Variants in SEMA5A observed in about 807,000 individuals in gnomAD.
The protein encoded by SEMA5A is semaphorin-5A.
Under a neutral mutation model 135.5 loss-of-function variants are expected in SEMA5A, and 55 were observed. That is an observed-to-expected ratio of 0.41 (90% CI 0.33 to 0.51). The LOEUF (loss-of-function observed/expected upper bound fraction) is 0.51, where lower values mean the gene tolerates loss of function less well. Among genes scored for constraint, SEMA5A ranks in the 20% least tolerant of loss-of-function variants. The pLI, the probability that SEMA5A is intolerant of heterozygous loss-of-function variation, is 0.37. For missense variants in SEMA5A, 1,290 were observed against 1,419.9 expected, an observed-to-expected ratio of 0.91 and a Z score of 1.47; for synonymous variants, 580 against 546.5, an observed-to-expected ratio of 1.06 and a Z score of -0.85.
chr5:9,532,440 C>CTTTTTTTTTTT (rs4045370), intron 1 of SEMA5A, among the ~76,000 whole-genome samples: 14 of 125,146 alleles, frequency 1.1e-4, no homozygotes, highest in Non-Finnish European at 1.3e-4. Context: ...TAATTTTTTT[C>CTTTTTTTTTTT]TTTTTTTTTT....
intron 4 of SEMA5A, among the ~76,000 whole-genome samples, chr5:9,330,166 G>A (rs1245227940): frequency 2.0e-5 from 3 of 151,926 alleles, no homozygotes; most frequent in Non-Finnish European, 4.4e-5. Context: ...CGAGGTGGGC[G>A]GATCGCCAGG....
chr5:9,202,176 T>G lies in SEMA5A; in HGVS notation c.711A>C (p.Ala237=). ...CTGTTTTCCCACAGTCATGCTCTAC[T>G]GCATTTTCTCGGAAAAAGAAGTAGG... ...NFTYFFFREN[A]VEHDCGKTVF... is the part of the protein sequence containing the mutation. The change falls in exon 9 of 23, where the codon GCA becomes GCC. Residue 237 remains alanine (A), a synonymous_variant. Coordinates refer to ENST00000382496, the MANE Select transcript of SEMA5A (RefSeq NM_003966.3). 6.2e-7 allele frequency: 1 copy of G among 1,614,148 alleles called. No homozygotes were observed. The highest frequency in any genetic ancestry group is 8.5e-7 in the Non-Finnish European group (1 of 1,180,012).
chr5:9,405,541 A>T (rs1756842052), intron 2 of SEMA5A, among the ~76,000 whole-genome samples: 1 of 152,176 alleles, frequency 6.6e-6, no homozygotes, highest in Non-Finnish European at 1.5e-5. Flanking sequence ...ACCTGAACAG[A>T]GCTGAGTCAA....
At chr5:9,379,446 G>A (rs1273057896) in intron 3 of SEMA5A, among the ~76,000 whole-genome samples, 1 of 152,158 alleles carries the variant, frequency 6.6e-6, no homozygotes, top group African/African-American at 2.4e-5. Context: ...GCAAGACTAA[G>A]GCTTTGCAGG....
At position 9,085,525 on chromosome 5, in the gene SEMA5A, G is replaced by A. The variant is rs149519483; in HGVS notation, c.2074-18879C>T. On this transcript the variant is annotated intron_variant, in intron 16 of 22. Transcript: ENST00000382496. The stretch of plus-strand genomic sequence containing the variant: ...AGGGTGCAAGCCCCAAGCCTTGGAA[G>A]CTTCCACAGGGTGTTGAGACTGTGA... 3.8e-3 allele frequency among the ~76,000 whole-genome samples: 585 copies of A among 152,364 alleles called. 3 individuals carry two copies. The highest frequency in any genetic ancestry group is 0.014 in the African/African-American group (566 of 41,598).
intron 1 of SEMA5A, among the ~76,000 whole-genome samples, chr5:9,495,419 A>G (rs1170205684): frequency 6.6e-6 from 1 of 152,174 alleles, no homozygotes; most frequent in Non-Finnish European, 1.5e-5. Flanking sequence ...CTTAGCTTTT[A>G]CCCACCCAAG....
chr5:9,139,581 C>T (rs1003134163), intron 12 of SEMA5A, among the ~76,000 whole-genome samples: 9 of 152,182 alleles, frequency 5.9e-5, no homozygotes, highest in African/African-American at 2.2e-4. Context: ...TATCCATATC[C>T]AATTCCTGAT....
intron 2 of SEMA5A, among the ~76,000 whole-genome samples, chr5:9,408,799 T>C (rs950735330): frequency 1.3e-5 from 2 of 152,118 alleles, no homozygotes; most frequent in African/African-American, 4.8e-5. Context: ...GTAGCTACTC[T>C]ACACTGAAAA....
At chr5:9,093,700 A>C (rs1739164032) in intron 16 of SEMA5A, among the ~76,000 whole-genome samples, 1 of 151,770 alleles carries the variant, frequency 6.6e-6, no homozygotes, top group African/African-American at 2.4e-5. Flanking sequence ...CTCAAAAAAA[A>C]ACAAAAAAAC....
intron 5 of SEMA5A, among the ~76,000 whole-genome samples, chr5:9,247,628 T>G (rs529529261): frequency 1.3e-5 from 2 of 152,248 alleles, no homozygotes; most frequent in African/African-American, 2.4e-5. Context: ...CTGAGATATA[T>G]CCTATCAAAG....
At chr5:9,537,881 C>G (rs1737854268) in intron 1 of SEMA5A, among the ~76,000 whole-genome samples, 1 of 152,212 alleles carries the variant, frequency 6.6e-6, no homozygotes, top group Admixed American at 6.5e-5. Context: ...TAAAGGCCAG[C>G]TAGCCTGGAC....
intron 3 of SEMA5A, among the ~76,000 whole-genome samples, chr5:9,349,964 G>T (rs1754043474): frequency 6.6e-6 from 1 of 151,996 alleles, no homozygotes; most frequent in South Asian, 2.1e-4. Context: ...ATTCATTGAG[G>T]TATCTTTGTG....
intron 3 of SEMA5A, among the ~76,000 whole-genome samples, chr5:9,338,807 G>T (rs1225621695): frequency 6.6e-6 from 1 of 152,112 alleles, no homozygotes; most frequent in African/African-American, 2.4e-5. Flanking sequence ...ACACATCAGT[G>T]TTATGTTTTT....
At chr5:9,062,265 G>A (rs545249528) in intron 18 of SEMA5A, among the ~76,000 whole-genome samples, 6 of 152,224 alleles carry the variant, frequency 3.9e-5, no homozygotes, top group African/African-American at 1.4e-4. Context: ...ACTGTGGCCC[G>A]GCCTATCAGA....
intron 12 of SEMA5A, among the ~76,000 whole-genome samples, chr5:9,140,781 G>A (rs1184611090): frequency 6.6e-6 from 1 of 152,154 alleles, no homozygotes; most frequent in African/African-American, 2.4e-5. Context: ...TCATTCAAAA[G>A]GCCTGCATTC....
intron 11 of SEMA5A, among the ~76,000 whole-genome samples, chr5:9,162,536 GTATGTGTGTATATA>G (rs1743332386): frequency 5.1e-5 from 3 of 58,522 alleles, no homozygotes; most frequent in South Asian, 4.4e-4. Flanking sequence ...GTATATATAT[GTATGTGTGTATATA>G]TGTGTGTGTG....
intron 5 of SEMA5A, among the ~76,000 whole-genome samples, chr5:9,239,141 CA>C (rs1748070233): frequency 6.6e-6 from 1 of 152,066 alleles, no homozygotes; most frequent in Non-Finnish European, 1.5e-5. Flanking sequence ...TGTTACTTGG[CA>C]AATATGAGTC....
At chr5:9,301,326 A>T (rs1269684858) in intron 5 of SEMA5A, among the ~76,000 whole-genome samples, 1 of 152,228 alleles carries the variant, frequency 6.6e-6, no homozygotes, top group East Asian at 1.9e-4. Context: ...CAAAATGTGC[A>T]ACGTCATTGA....
At chr5:9,178,385 T>A (rs1744322346) in intron 11 of SEMA5A, among the ~76,000 whole-genome samples, 1 of 145,378 alleles carries the variant, frequency 6.9e-6, no homozygotes, top group Non-Finnish European at 1.5e-5. Flanking sequence ...CAGGCTGGAG[T>A]GCAATGGTGC....
Sources: gnomAD v4.1 joint callset for allele counts (sites outside exome capture counted in the v4.1 genomes callset) on GRCh38, gnomAD v4.1.1 for gene constraint, MANE v1.5 for transcripts, NCBI Gene and HGNC (gene_info 2026-07-23, HGNC 2026-07-21) for gene names.